Variants in ARHGEF33 observed in about 807,000 individuals in gnomAD.
ARHGEF33 encodes the protein Rho guanine nucleotide exchange factor 33.
In ARHGEF33, 72 loss-of-function variants were observed where a neutral mutation model predicts 101.9. The observed-to-expected ratio is 0.71, with a 90% CI of 0.58 to 0.86. The LOEUF (loss-of-function observed/expected upper bound fraction) is 0.86, where lower values mean the gene tolerates loss of function less well. Ranked by LOEUF, ARHGEF33 falls within the 40% of genes least tolerant of loss-of-function variation. ARHGEF33 has a pLI of 0.00. For synonymous variants in ARHGEF33, 499 were observed against 442.5 expected (o/e 1.13, Z -1.60); for missense variants, 1,169 against 1,111.3 (o/e 1.05, Z -0.74).
chr2:38,892,249 C>T (rs889737301), intron 1 of ARHGEF33, among the ~76,000 whole-genome samples: 8 of 152,158 alleles, frequency 5.3e-5, no homozygotes, highest in Admixed American at 1.3e-4. Flanking sequence ...CAGCCCTTTC[C>T]ACCTTTCCCC....
intron 2 of ARHGEF33, among the ~76,000 whole-genome samples, chr2:38,905,531 G>A (rs1666369191): frequency 6.6e-6 from 1 of 152,244 alleles, no homozygotes; most frequent in African/African-American, 2.4e-5. Flanking sequence ...GAAGCCCAGA[G>A]AGAGTGCCTG....
chr2:38,910,831 A>G (rs1458895294), intron 2 of ARHGEF33, among the ~76,000 whole-genome samples: 3 of 152,218 alleles, frequency 2.0e-5, no homozygotes, highest in Non-Finnish European at 2.9e-5. Context: ...TTTTAGTGAC[A>G]ATGGTACCTT....
intron 16 of ARHGEF33, among the ~76,000 whole-genome samples, chr2:38,965,096 C>T (rs1668025092): frequency 6.6e-6 from 1 of 151,880 alleles, no homozygotes; most frequent in African/African-American, 2.4e-5. Context: ...TGTCAGCAAG[C>T]AGTCACCTAT....
intron 2 of ARHGEF33, among the ~76,000 whole-genome samples, chr2:38,896,855 T>TAA (rs1666133287): frequency 6.6e-6 from 1 of 152,206 alleles, no homozygotes; most frequent in South Asian, 2.1e-4. Context: ...TTTCCAAGCA[T>TAA]AACCACTGTT....
intron 2 of ARHGEF33, among the ~76,000 whole-genome samples, chr2:38,914,538 A>G (rs1035570536): frequency 6.6e-6 from 1 of 152,044 alleles, no homozygotes; most frequent in Non-Finnish European, 1.5e-5. Context: ...GTGGTGGCAC[A>G]CACCTATAAT....
chr2:38,939,300 T>C (rs1376666210), intron 9 of ARHGEF33, among the ~76,000 whole-genome samples: 3 of 152,196 alleles, frequency 2.0e-5, no homozygotes, highest in Admixed American at 6.5e-5. Context: ...GTACAAATTT[T>C]TTTTTAGTGG....
chr2:38,890,072 G>A (rs779613568), intron 1 of ARHGEF33, 86 bp downstream of exon 1: 1 of 282,158 alleles, frequency 3.5e-6, no homozygotes, highest in South Asian at 3.6e-5. Flanking sequence ...TCCTTACCAC[G>A]TGGTGTACTA....
intron 4 of ARHGEF33, among the ~76,000 whole-genome samples, chr2:38,922,524 A>C (rs1189665344): frequency 1.3e-5 from 2 of 152,216 alleles, no homozygotes; most frequent in Non-Finnish European, 2.9e-5. Flanking sequence ...CGAAAACATT[A>C]TTTAACCATA....
chr2:38,956,162 T>C (rs1445859965), intron 13 of ARHGEF33, among the ~76,000 whole-genome samples: 3 of 152,210 alleles, frequency 2.0e-5, no homozygotes, highest in African/African-American at 7.2e-5. Context: ...AAACTAGGAC[T>C]GAAACCCAGG....
intron 16 of ARHGEF33, among the ~76,000 whole-genome samples, chr2:38,961,438 G>T (rs925264811): frequency 2.0e-5 from 3 of 152,108 alleles, no homozygotes; most frequent in Non-Finnish European, 2.9e-5. Context: ...ATTTAAAGAG[G>T]TCTTTAAATA....
intron 2 of ARHGEF33, among the ~76,000 whole-genome samples, chr2:38,897,442 A>G (rs184411302): frequency 1.3e-3 from 200 of 152,328 alleles, no homozygotes; most frequent in African/African-American, 4.7e-3. Flanking sequence ...TTAGGCATCT[A>G]TCTGTAGAAA....
At position 38,973,862 on chromosome 2, in the gene ARHGEF33, T is replaced by C. The variant is rs1475309681; in HGVS notation, c.*19T>C. ...TGTGTAAAACATACTTAAAGTTGTA[T>C]TGTCAAGTGGTAAGATGAGGATAAA... is the stretch of plus-strand genomic sequence containing the variant. On this transcript the variant is annotated 3_prime_UTR_variant, in exon 18 of 18. Transcript: ENST00000409978. 15 of 1,537,374 alleles carry C rather than the reference T, an allele frequency of 9.8e-6. No individual in the cohort carries two copies. Among genetic ancestry groups the C allele is most frequent in the African/African-American group, 1.4e-5 (1 of 72,716 alleles).
intron 2 of ARHGEF33, among the ~76,000 whole-genome samples, chr2:38,896,856 A>G (rs1314659434): frequency 1.3e-5 from 2 of 152,186 alleles, no homozygotes; most frequent in Non-Finnish European, 2.9e-5. Context: ...TTCCAAGCAT[A>G]ACCACTGTTA....
At chr2:38,956,836 G>C (rs1667779252) in intron 13 of ARHGEF33, 63 bp from the exon 14 acceptor site, 1 of 1,527,826 alleles carries the variant, frequency 6.5e-7, no homozygotes. Flanking sequence ...GTGAGGTGCA[G>C]AAGAGAAAAA....
intron 17 of ARHGEF33, chr2:38,973,386 G>A (rs896470877): frequency 6.4e-6 from 1 of 156,378 alleles, no homozygotes; most frequent in Non-Finnish European, 1.4e-5. Flanking sequence ...GATAATTTGT[G>A]GAGTTGTTAC....
intron 14 of ARHGEF33, among the ~76,000 whole-genome samples, chr2:38,957,440 A>T (rs1382489242): frequency 6.6e-6 from 1 of 152,228 alleles, no homozygotes; most frequent in East Asian, 1.9e-4. Context: ...CATGCACTGA[A>T]TATAGTGAAA....
At chr2:38,948,095 G>GAA (rs111954137) in intron 10 of ARHGEF33, among the ~76,000 whole-genome samples, 6 of 144,226 alleles carry the variant, frequency 4.2e-5, no homozygotes, top group Non-Finnish European at 9.2e-5. Flanking sequence ...TAAGGAATAG[G>GAA]AAAAAAAAAA....
chr2:38,901,957 TA>T (rs1666251937), intron 2 of ARHGEF33, among the ~76,000 whole-genome samples: 1 of 151,590 alleles, frequency 6.6e-6, no homozygotes. Context: ...CTACTAAAAA[TA>T]CAAAAAATTA....
At chr2:38,973,603 G>A (rs1346367957) in intron 17 of ARHGEF33, 111 bp from the exon 18 acceptor site, 1 of 1,243,058 alleles carries the variant, frequency 8.0e-7, no homozygotes, top group Non-Finnish European at 1.1e-6. Context: ...AAGTATTCCA[G>A]TTCTAGGAAG....
Sources: gnomAD v4.1 joint callset for allele counts (sites outside exome capture counted in the v4.1 genomes callset) on GRCh38, gnomAD v4.1.1 for gene constraint, MANE v1.5 for transcripts, NCBI Gene and HGNC (gene_info 2026-07-23, HGNC 2026-07-21) for gene names.